Variants in RPTOR observed in about 807,000 individuals in gnomAD.
RPTOR encodes regulatory-associated protein of mTOR.
RPTOR carries 21 observed loss-of-function variants against 169.9 expected under a neutral mutation model. The observed-to-expected ratio is 0.12, with a 90% CI of 0.09 to 0.18. The LOEUF (loss-of-function observed/expected upper bound fraction) is 0.18, where lower values mean the gene tolerates loss of function less well. Among genes scored for constraint, RPTOR ranks in the 10% least tolerant of loss-of-function variants. The probability of loss-of-function intolerance (pLI) is 1.00; values close to 1 mark genes in which losing one functional copy is unlikely to be tolerated. For missense variants in RPTOR, 1,133 were observed against 1,855.9 expected, an observed-to-expected ratio of 0.61 and a Z score of 7.16; for synonymous variants, 732 against 753.2, an observed-to-expected ratio of 0.97 and a Z score of 0.46.
intron 21 of RPTOR, among the ~76,000 whole-genome samples, chr17:80,909,402 CA>C (rs1336923169): frequency 6.6e-6 from 1 of 151,900 alleles, no homozygotes; most frequent in Non-Finnish European, 1.5e-5. Flanking sequence ...AAGACAGTCT[CA>C]CTCTGTCCAG....
chr17:80,653,692 CTGT>C (rs1290305597), intron 3 of RPTOR, among the ~76,000 whole-genome samples: 1 of 152,234 alleles, frequency 6.6e-6, no homozygotes, highest in Non-Finnish European at 1.5e-5. Context: ...TGCTGCGGCC[CTGT>C]GGGTCTCTGC....
chr17:80,776,243 C>G (rs9910524), intron 6 of RPTOR, among the ~76,000 whole-genome samples: 40,987 of 150,698 alleles, frequency 0.27, 5,723 homozygotes, highest in African/African-American at 0.33. Flanking sequence ...TTATTTTGGA[C>G]TATTTCTTAG....
chr17:80,759,552 T>G (rs2143361371), intron 6 of RPTOR, among the ~76,000 whole-genome samples: 1 of 152,290 alleles, frequency 6.6e-6, no homozygotes, highest in Non-Finnish European at 1.5e-5. Flanking sequence ...ATTGAAGTGC[T>G]GAAATTAGGT....
At position 80,965,733 on chromosome 17, in the gene RPTOR, A is replaced by G. The variant is rs1170537069; in HGVS notation, c.*1403A>G. Reference sequence around the variant, plus strand: ...GAACCCTGCCTGGTCACATTTGGCCAGAGACACACCTGGCCCTCAGGGGGC... The same window carrying G: ...GAACCCTGCCTGGTCACATTTGGCCGGAGACACACCTGGCCCTCAGGGGGC... On this transcript the variant is annotated 3_prime_UTR_variant, in exon 34 of 34. Coordinates refer to ENST00000306801, the MANE Select transcript of RPTOR (RefSeq NM_020761.3). 4.3e-6 allele frequency: 1 copy of G among 233,260 alleles called. No homozygotes were observed. The highest frequency in any genetic ancestry group is 8.5e-6 in the Non-Finnish European group (1 of 118,104). 14.4% of individuals were successfully genotyped at this position (233,260 alleles called of 1,614,324 possible). A position where few individuals can be genotyped will look rare whatever the true frequency, so the allele number is the denominator to read the frequency against.
intron 6 of RPTOR, among the ~76,000 whole-genome samples, chr17:80,775,996 T>C (rs944587098): frequency 2.0e-5 from 3 of 151,518 alleles, no homozygotes; most frequent in Non-Finnish European, 4.4e-5. Flanking sequence ...CATAAAATTA[T>C]AGTGCTTGCA....
intron 6 of RPTOR, among the ~76,000 whole-genome samples, chr17:80,786,770 G>A (rs1041182588): frequency 6.6e-6 from 1 of 152,216 alleles, no homozygotes; most frequent in Non-Finnish European, 1.5e-5. Context: ...AGTTCACCAT[G>A]TATATGGAAC....
intron 1 of RPTOR, among the ~76,000 whole-genome samples, chr17:80,599,595 T>C (rs2065170597): frequency 6.6e-6 from 1 of 151,794 alleles, no homozygotes; most frequent in Admixed American, 6.6e-5. Flanking sequence ...GGTAATAGGG[T>C]CTAGTATTTT....
chr17:80,928,098 C>T (rs1163482260), intron 24 of RPTOR, among the ~76,000 whole-genome samples: 2 of 152,200 alleles, frequency 1.3e-5, no homozygotes, highest in East Asian at 3.8e-4. Flanking sequence ...AAACAACAGG[C>T]TCTGGGTGTC....
intron 3 of RPTOR, among the ~76,000 whole-genome samples, chr17:80,654,152 G>A (rs958586724): frequency 4.6e-5 from 7 of 152,242 alleles, no homozygotes; most frequent in African/African-American, 7.2e-5. Flanking sequence ...AGTGCCGGGT[G>A]ATGGTGGCCC....
At chr17:80,654,490 T>G (rs1684922765) in intron 3 of RPTOR, among the ~76,000 whole-genome samples, 1 of 152,212 alleles carries the variant, frequency 6.6e-6, no homozygotes, top group Admixed American at 6.5e-5. Context: ...ATCTGTGGGT[T>G]GGTTCTGAGG....
chr17:80,562,604 C>A lies in RPTOR; in HGVS notation c.162+16813C>A, dbSNP rs34039690. Among the ~76,000 whole-genome samples the A allele has an allele frequency of 6.6e-6, 1 of 152,008 alleles. No homozygotes were observed. The highest frequency in any genetic ancestry group is 6.6e-5 in the Admixed American group (1 of 15,250). On this transcript the variant is annotated intron_variant, in intron 1 of 33. Transcript: ENST00000306801. The surrounding 1 kb of genome is among the most constrained non-coding windows in gnomAD (Gnocchi z 4.4). ...TTCGAGACCAGCCTGGCCAACATGG[C>A]GAAACCCCGTCTCTACTAAAAATAC...
chr17:80,920,261 C>A (rs1259533202), intron 21 of RPTOR, among the ~76,000 whole-genome samples: 2 of 152,222 alleles, frequency 1.3e-5, no homozygotes, highest in Non-Finnish European at 2.9e-5. Flanking sequence ...TGGCCCCACA[C>A]CCAGCGCAAT....
chr17:80,610,159 TCTCCTC>T (rs369163607), intron 1 of RPTOR, among the ~76,000 whole-genome samples: 1 of 152,118 alleles, frequency 6.6e-6, no homozygotes, highest in South Asian at 2.1e-4. Context: ...CTCCAGCTCT[TCTCCTC>T]CTCCTCTTTC....
At chr17:80,569,865 A>G (rs1024606271) in intron 1 of RPTOR, among the ~76,000 whole-genome samples, 1 of 151,998 alleles carries the variant, frequency 6.6e-6, no homozygotes, top group East Asian at 1.9e-4. Flanking sequence ...TGGGTGCTTC[A>G]TGAGGTCCCT....
intron 10 of RPTOR, among the ~76,000 whole-genome samples, chr17:80,840,054 G>A (rs1185394401): frequency 6.6e-6 from 1 of 152,152 alleles, no homozygotes; most frequent in Non-Finnish European, 1.5e-5. Flanking sequence ...ATAGAAAAGT[G>A]TACACATCAT....
At chr17:80,772,593 G>A (rs1417378035) in intron 6 of RPTOR, among the ~76,000 whole-genome samples, 1 of 135,420 alleles carries the variant, frequency 7.4e-6, no homozygotes, top group East Asian at 2.2e-4. Context: ...CCTCCCTGAT[G>A]AGGGGCAGCT....
chr17:80,850,990 A>G, intron 11 of RPTOR, among the ~76,000 whole-genome samples: 1 of 152,208 alleles, frequency 6.6e-6, no homozygotes, highest in East Asian at 1.9e-4. Flanking sequence ...GTGCAGTAGT[A>G]TGATCATAGC....
At chr17:80,583,195 T>TG (rs200665681) in intron 1 of RPTOR, among the ~76,000 whole-genome samples, 4 of 135,782 alleles carry the variant, frequency 2.9e-5, no homozygotes, top group East Asian at 2.1e-4. Context: ...TTTTTTTTTT[T>TG]TTTTTTTTTT....
At chr17:80,907,679 CA>C (rs2068560720) in intron 20 of RPTOR, among the ~76,000 whole-genome samples, 1 of 152,252 alleles carries the variant, frequency 6.6e-6, no homozygotes. Context: ...CTCCACCCCA[CA>C]ATCTCTGATT....
Sources: gnomAD v4.1 joint callset for allele counts (sites outside exome capture counted in the v4.1 genomes callset) on GRCh38, gnomAD v4.1.1 for gene constraint, Gnocchi (gnomAD v3.1) non-coding constraint, MANE v1.5 for transcripts, NCBI Gene and HGNC (gene_info 2026-07-23, HGNC 2026-07-21) for gene names.